The following GRIA1 variants were observed in gnomAD, a reference collection of about 807,000 sequenced individuals.
GRIA1 encodes the protein glutamate ionotropic receptor AMPA type subunit 1, also known as glutamate receptor 1.
Under a neutral mutation model 99.2 loss-of-function variants are expected in GRIA1, and 31 were observed. The ratio of observed to expected loss-of-function variants is 0.31; its 90% CI spans 0.23 to 0.42. The LOEUF (loss-of-function observed/expected upper bound fraction) is 0.42, where lower values mean the gene tolerates loss of function less well. Ranked by LOEUF, GRIA1 falls within the 10% of genes least tolerant of loss-of-function variation. The pLI is 1.00. For synonymous variants in GRIA1, 438 were observed against 432.4 expected (o/e 1.01, Z -0.16); for missense variants, 782 against 1,157.5 (o/e 0.68, Z 4.71).
intron 2 of GRIA1, among the ~76,000 whole-genome samples, chr5:153,616,076 T>A (rs1317936107): frequency 6.6e-6 from 1 of 152,132 alleles, no homozygotes; most frequent in Non-Finnish European, 1.5e-5. Flanking sequence ...CTTACCTGGG[T>A]ATGAAACACT....
intron 2 of GRIA1, among the ~76,000 whole-genome samples, chr5:153,513,428 C>G (rs74865338): frequency 6.6e-6 from 1 of 152,254 alleles, no homozygotes; most frequent in Non-Finnish European, 1.5e-5. Context: ...AAACCTAACA[C>G]AAGCAGAACA....
intron 2 of GRIA1, among the ~76,000 whole-genome samples, chr5:153,504,122 A>G (rs1348255127): frequency 6.6e-6 from 1 of 152,070 alleles, no homozygotes; most frequent in Non-Finnish European, 1.5e-5. Context: ...TGGCCAGGAT[A>G]TTGTAGTCTT....
At chr5:153,534,533 G>T (rs1758383663) in intron 2 of GRIA1, among the ~76,000 whole-genome samples, 1 of 152,206 alleles carries the variant, frequency 6.6e-6, no homozygotes, top group South Asian at 2.1e-4. Context: ...AACCCCTCCA[G>T]TCATGGGATG....
At chr5:153,718,977 T>C (rs1759853595) in intron 11 of GRIA1, among the ~76,000 whole-genome samples, 3 of 152,200 alleles carry the variant, frequency 2.0e-5, no homozygotes, top group Admixed American at 2.0e-4. Flanking sequence ...CCCACTTTGC[T>C]AGTGTTACTC....
intron 2 of GRIA1, 42 bp downstream of exon 2, chr5:153,494,107 G>C: frequency 1.3e-6 from 2 of 1,598,552 alleles, no homozygotes; most frequent in Non-Finnish European, 1.7e-6. Context: ...TTCTGCGCTA[G>C]ACCAATGAAA....
At chr5:153,569,015 T>G (rs186934956) in intron 2 of GRIA1, among the ~76,000 whole-genome samples, 112 of 152,336 alleles carry the variant, frequency 7.4e-4, no homozygotes, top group Admixed American at 2.3e-3. Flanking sequence ...ATCTACCCAG[T>G]TGCCTACCCA....
At chr5:153,695,509 C>G (rs1186410832) in intron 8 of GRIA1, among the ~76,000 whole-genome samples, 1 of 152,182 alleles carries the variant, frequency 6.6e-6, no homozygotes, top group Non-Finnish European at 1.5e-5. Flanking sequence ...CCACAAGTCT[C>G]TTAGGGTTCC....
chr5:153,762,118 T>C (rs1443022345), intron 11 of GRIA1, among the ~76,000 whole-genome samples: 1 of 152,222 alleles, frequency 6.6e-6, no homozygotes, highest in Non-Finnish European at 1.5e-5. Flanking sequence ...AGGGTGACTA[T>C]ATTTAACAAT....
intron 10 of GRIA1, among the ~76,000 whole-genome samples, chr5:153,699,841 TG>T (rs1758390981): frequency 6.6e-6 from 1 of 152,226 alleles, no homozygotes; most frequent in Non-Finnish European, 1.5e-5. Flanking sequence ...GAAAAGCTGC[TG>T]AATGTCCCAC....
At chr5:153,640,192 T>C (rs903497504) in intron 2 of GRIA1, among the ~76,000 whole-genome samples, 2 of 152,174 alleles carry the variant, frequency 1.3e-5, no homozygotes, top group Non-Finnish European at 2.9e-5. Context: ...CAGTACCACA[T>C]CTCATTGGCT....
intron 11 of GRIA1, among the ~76,000 whole-genome samples, chr5:153,727,415 G>A (rs1436076507): frequency 6.8e-4 from 102 of 150,360 alleles, no homozygotes; most frequent in African/African-American, 1.8e-3. Context: ...GAAATAAAGA[G>A]TATTCAATTA....
intron 10 of GRIA1, 111 bp from the exon 11 acceptor site, chr5:153,705,586 A>G (rs1758828634): frequency 1.5e-6 from 2 of 1,363,968 alleles, no homozygotes; most frequent in African/African-American, 3.0e-5. Flanking sequence ...CCACTCTCAT[A>G]TCCTTTAAGA....
intron 11 of GRIA1, among the ~76,000 whole-genome samples, chr5:153,737,290 T>TAA (rs35443126): frequency 0.014 from 1,071 of 74,016 alleles, 20 homozygotes; most frequent in African/African-American, 0.04. Flanking sequence ...GCAACCCCGG[T>TAA]AAAAAAAAAA....
intron 5 of GRIA1, among the ~76,000 whole-genome samples, chr5:153,674,244 G>A (rs1036506460): frequency 6.6e-5 from 10 of 152,344 alleles, no homozygotes; most frequent in African/African-American, 2.2e-4. Context: ...AAGTAACTTA[G>A]TTAATAGTGG....
chr5:153,792,586 C>T (rs1002853707), intron 13 of GRIA1, among the ~76,000 whole-genome samples: 3 of 152,200 alleles, frequency 2.0e-5, no homozygotes, highest in Non-Finnish European at 2.9e-5. Context: ...GGTAACAAAA[C>T]ATAGGCAGTG....
chr5:153,565,004 T>G (rs2149356483), intron 2 of GRIA1, among the ~76,000 whole-genome samples: 1 of 152,200 alleles, frequency 6.6e-6, no homozygotes, highest in East Asian at 1.9e-4. Context: ...GTAATTTCAT[T>G]TAATTCTCAC....
intron 2 of GRIA1, among the ~76,000 whole-genome samples, chr5:153,563,702 G>A (rs971296911): frequency 1.3e-5 from 2 of 152,208 alleles, no homozygotes; most frequent in African/African-American, 4.8e-5. Flanking sequence ...CAATCTTGAA[G>A]AAGGAGCATC....
At chr5:153,754,090 C>G (rs762669717) in intron 11 of GRIA1, among the ~76,000 whole-genome samples, 1 of 152,116 alleles carries the variant, frequency 6.6e-6, no homozygotes, top group African/African-American at 2.4e-5. Context: ...AGGTGACTCA[C>G]CAAGTTGTGG....
chr5:153,616,987 T>C (rs1766567697), intron 2 of GRIA1, among the ~76,000 whole-genome samples: 1 of 152,224 alleles, frequency 6.6e-6, no homozygotes, highest in Non-Finnish European at 1.5e-5. Flanking sequence ...TACTCAAATG[T>C]TGGCCATGGC....
Sources: gnomAD v4.1 joint callset for allele counts (sites outside exome capture counted in the v4.1 genomes callset) on GRCh38, gnomAD v4.1.1 for gene constraint, MANE v1.5 for transcripts, NCBI Gene and HGNC (gene_info 2026-07-23, HGNC 2026-07-21) for gene names.